Variants in SHANK2 observed in about 807,000 individuals in gnomAD.
SHANK2 encodes SH3 and multiple ankyrin repeat domains 2.
In SHANK2, 43 loss-of-function variants were observed where a neutral mutation model predicts 133.7. That is an observed-to-expected ratio of 0.32 (90% CI 0.25 to 0.41). The LOEUF (loss-of-function observed/expected upper bound fraction) is 0.41. Among genes scored for constraint, SHANK2 ranks in the 10% least tolerant of loss-of-function variants. The probability of loss-of-function intolerance (pLI) is 1.00; values close to 1 mark genes in which losing one functional copy is unlikely to be tolerated. For synonymous variants in SHANK2, 1,017 were observed against 952.8 expected (o/e 1.07, Z -1.24); for missense variants, 1,994 against 2,235.8 (o/e 0.89, Z 2.18).
chr11:70,625,284 G>A (rs2060889947), intron 17 of SHANK2, among the ~76,000 whole-genome samples: 1 of 152,150 alleles, frequency 6.6e-6, no homozygotes, highest in Admixed American at 6.5e-5. Flanking sequence ...CAGACCTTTG[G>A]TGTCCCGAGT....
intron 17 of SHANK2, among the ~76,000 whole-genome samples, chr11:70,650,537 T>A (rs987174616): frequency 6.6e-6 from 1 of 152,194 alleles, no homozygotes; most frequent in Non-Finnish European, 1.5e-5. Flanking sequence ...GATCCAGCAA[T>A]GCTCTTGCTC....
chr11:70,516,985 A>G (rs1352486286), intron 17 of SHANK2, among the ~76,000 whole-genome samples: 1 of 152,202 alleles, frequency 6.6e-6, no homozygotes, highest in African/African-American at 2.4e-5. Context: ...AGGCAGGAGA[A>G]TCGCTTGAAC....
At chr11:70,572,759 G>A (rs1330793717) in intron 17 of SHANK2, among the ~76,000 whole-genome samples, 3 of 152,168 alleles carry the variant, frequency 2.0e-5, no homozygotes, top group African/African-American at 4.8e-5. Flanking sequence ...ACCAAGTGCC[G>A]GCGAGGCCCA....
At chr11:70,524,313 C>G (rs2059368935) in intron 17 of SHANK2, among the ~76,000 whole-genome samples, 1 of 152,210 alleles carries the variant, frequency 6.6e-6, no homozygotes, top group South Asian at 2.1e-4. Context: ...CCACGCTCGC[C>G]TTACCAGCGT....
chr11:71,095,749 C>A (rs1266597052), intron 6 of SHANK2, among the ~76,000 whole-genome samples: 1 of 152,230 alleles, frequency 6.6e-6, no homozygotes, highest in Non-Finnish European at 1.5e-5. Context: ...TGGGTACCCT[C>A]CTGAGGACTT....
chr11:71,057,378 A>C (rs1293515054), intron 9 of SHANK2, among the ~76,000 whole-genome samples: 2 of 152,062 alleles, frequency 1.3e-5, no homozygotes, highest in Non-Finnish European at 2.9e-5. Flanking sequence ...ACCCCCAATA[A>C]TATTGTTTAA....
At chr11:70,599,898 A>AAAGG in intron 17 of SHANK2, among the ~76,000 whole-genome samples, 1 of 95,674 alleles carries the variant, frequency 1.0e-5, no homozygotes, top group Non-Finnish European at 2.1e-5. Context: ...AAAAAGAAAG[A>AAAGG]AAGAAAGAGA....
chr11:70,656,206 A>G (rs545939), intron 17 of SHANK2, among the ~76,000 whole-genome samples: 1,530 of 152,290 alleles, frequency 0.01, 24 homozygotes, highest in African/African-American at 0.035. Flanking sequence ...CAAAGTCTTC[A>G]GCAAACTCTT....
chr11:70,948,313 C>T (rs1435215916), intron 10 of SHANK2: 1 of 457,208 alleles, frequency 2.2e-6, no homozygotes, highest in Non-Finnish European at 4.4e-6. Flanking sequence ...ATGTGCACTT[C>T]CAGAGAGCAG....
At position 70,897,207 on chromosome 11, in the gene SHANK2, G is replaced by T. The variant is rs191315418; in HGVS notation, c.1108-640C>A. On this transcript the variant is annotated intron_variant, in intron 10 of 25. Transcript: ENST00000601538. ...AGGCAGGTAAAGCCAAGTATCCTAGGATGGCCATGGAGACCCATAAGGAAG... is the reference window on the plus strand; with the variant it reads ...AGGCAGGTAAAGCCAAGTATCCTAGTATGGCCATGGAGACCCATAAGGAAG... Among the ~76,000 whole-genome samples the T allele has an allele frequency of 7.4e-4, 113 of 152,264 alleles. 1 individual carries two copies. Among genetic ancestry groups the T allele is most frequent in the African/African-American group, 2.6e-3 (110 of 41,556 alleles).
chr11:70,934,174 G>A (rs142252266), intron 10 of SHANK2, among the ~76,000 whole-genome samples: 44 of 147,404 alleles, frequency 3.0e-4, no homozygotes, highest in African/African-American at 1.0e-3. Flanking sequence ...GGAGGGTGCA[G>A]TGAACCATGA....
In SHANK2 at chr11:70,619,419, A is replaced by G. The variant is rs552244764; in HGVS notation, c.2061+40409T>C. ...TCCAAGTTCTGCCTTGGGGGGTCCC[A>G]TGGACTTCTCCCCTGCATGCATCAA... On this transcript the variant is annotated intron_variant, in intron 17 of 25. Coordinates refer to ENST00000601538, the MANE Select transcript of SHANK2 (RefSeq NM_012309.5). 9.2e-5 allele frequency among the ~76,000 whole-genome samples: 14 copies of G among 152,124 alleles called. No homozygotes were observed. The South Asian group carries it at 2.5e-3, about 27-fold the overall frequency.
In SHANK2 at chr11:70,654,829, G is replaced by A. The variant is rs147914288; in HGVS notation, c.2061+4999C>T. ...GTCACCCAGGCTGGAGTGCAGTGGCGTGATCTCGGCTCACGGCAACGTCCG... is the reference window on the plus strand; with the variant it reads ...GTCACCCAGGCTGGAGTGCAGTGGCATGATCTCGGCTCACGGCAACGTCCG... On this transcript the variant is annotated intron_variant, in intron 17 of 25. Coordinates refer to ENST00000601538, the MANE Select transcript of SHANK2 (RefSeq NM_012309.5). Among the ~76,000 whole-genome samples the A allele has an allele frequency of 9.9e-3, 1,500 of 151,056 alleles. 20 individuals are homozygous for A. Among genetic ancestry groups the A allele is most frequent in the African/African-American group, 0.035 (1,423 of 41,070 alleles).
chr11:70,720,748 T>C (rs11237281), intron 14 of SHANK2, among the ~76,000 whole-genome samples: 12,155 of 149,512 alleles, frequency 0.081, 540 homozygotes, highest in Middle Eastern at 0.12. Flanking sequence ...CATGTGAACA[T>C]ACACACACAC....
intron 17 of SHANK2, among the ~76,000 whole-genome samples, chr11:70,623,866 T>C (rs927400266): frequency 2.0e-5 from 3 of 151,922 alleles, no homozygotes; most frequent in East Asian, 3.9e-4. Context: ...CTGTCAGCAT[T>C]ATGAAGGTCC....
chr11:70,911,574 C>T (rs1197873734), intron 10 of SHANK2, among the ~76,000 whole-genome samples: 1 of 152,066 alleles, frequency 6.6e-6, no homozygotes, highest in African/African-American at 2.4e-5. Context: ...CTCACCATTG[C>T]TATCATTAGA....
chr11:70,602,656 T>A (rs1158634455), intron 17 of SHANK2, among the ~76,000 whole-genome samples: 2 of 152,264 alleles, frequency 1.3e-5, no homozygotes, highest in Non-Finnish European at 2.9e-5. Flanking sequence ...TCTCTGCATT[T>A]ATCCCACTGA....
Position 71,075,214 on chromosome 11 carries a change from C to T in SHANK2, c.974G>A (p.Ser325Asn). The T allele has an allele frequency of 3.8e-6, 1 of 260,830 alleles. No individual in the cohort carries two copies. Among genetic ancestry groups the T allele is most frequent in the South Asian group, 7.1e-5 (1 of 14,098 alleles). The allele number at this position is 260,830 out of a possible 1,614,324, so 16.2% of individuals were successfully genotyped here. ...EHLLFYGADM[S>N]AQNASGNTAL... ...CGTGTTCCCCGAGGCATTCTGGGCACTCATGTCTGCCCCGTAGAACAGCAG... is the reference window on the plus strand; with the variant it reads ...CGTGTTCCCCGAGGCATTCTGGGCATTCATGTCTGCCCCGTAGAACAGCAG... The change falls in exon 9 of 26, where the codon AGT becomes AAT. Residue 325 changes from serine (S) to asparagine (N), a missense_variant. By Grantham distance (46) the Ser-to-Asn change is conservative (BLOSUM62 1). Around this residue, in one of 5 missense-constraint regions of SHANK2, gnomAD observed 653 missense variants for 563.4 expected, o/e 1.16. Transcript: ENST00000601538.
chr11:70,952,775 G>A (rs1555086955), intron 10 of SHANK2: 1 of 290,504 alleles, frequency 3.4e-6, no homozygotes, highest in East Asian at 1.2e-4. Flanking sequence ...CAGCAGAAGT[G>A]TGGGAACTGA....
Sources: allele counts gnomAD v4.1 joint callset (sites outside exome capture counted in the v4.1 genomes callset), GRCh38; gene constraint gnomAD v4.1.1; regional missense constraint gnomAD v4.1.1; transcripts MANE v1.5; gene names NCBI Gene and HGNC (gene_info 2026-07-23, HGNC 2026-07-21).